PDZD2: variants seen among roughly 807,000 people sequenced by gnomAD.
The protein encoded by PDZD2 is PDZ domain-containing protein 2.
In PDZD2, 90 loss-of-function variants were observed where a neutral mutation model predicts 220.7. The ratio of observed to expected loss-of-function variants is 0.41; its 90% CI spans 0.34 to 0.49. The LOEUF (loss-of-function observed/expected upper bound fraction) is 0.49, where lower values mean the gene tolerates loss of function less well. Ranked by LOEUF, PDZD2 falls within the 20% of genes least tolerant of loss-of-function variation. The pLI is 0.28. For synonymous variants in PDZD2, 1,375 were observed against 1,450.5 expected (o/e 0.95, Z 1.18); for missense variants, 3,174 against 3,608.5 (o/e 0.88, Z 3.08).
intron 6 of PDZD2, among the ~76,000 whole-genome samples, chr5:32,035,927 TTTG>T (rs1755503481): frequency 1.3e-5 from 2 of 152,018 alleles, no homozygotes; most frequent in African/African-American, 4.8e-5. Flanking sequence ...ATCATCAACC[TTTG>T]TTTTGTTTTG....
In PDZD2 at chr5:32,087,372, A is replaced by G. The variant is rs1742579643; in HGVS notation, c.3924A>G (p.Ala1308=). ...APPDYSKTRS[A]SETSTPHNTR... is the part of the protein sequence containing the mutation. The stretch of plus-strand genomic sequence containing the variant: ...CTGACTACAGCAAGACTCGATCAGC[A>G]TCGGAAACCAGCACACCCCACAATA... The change falls in exon 20 of 25, where the codon GCA becomes GCG. Residue 1308 remains alanine (A), a synonymous_variant. Coordinates refer to ENST00000438447, the MANE Select transcript of PDZD2 (RefSeq NM_178140.4). The surrounding 1 kb of genome is among the most constrained non-coding windows in gnomAD (Gnocchi z 4.0). 6.2e-7 allele frequency: 1 copy of G among 1,614,062 alleles called. No individual in the cohort carries two copies. Among genetic ancestry groups the G allele is most frequent in the Non-Finnish European group, 8.5e-7 (1 of 1,179,926 alleles).
chr5:31,920,684 TATA>T (rs2150379130), intron 2 of PDZD2, among the ~76,000 whole-genome samples: 1 of 152,242 alleles, frequency 6.6e-6, no homozygotes, highest in South Asian at 2.1e-4. Context: ...TGGTGGTGTG[TATA>T]ATGACACACC....
chr5:31,983,278 A>G lies in PDZD2; in HGVS notation c.600A>G (p.Thr200=). 1 of 1,614,186 alleles carries G rather than the reference A, an allele frequency of 6.2e-7. No homozygotes were observed. Among genetic ancestry groups the G allele is most frequent in the Non-Finnish European group, 8.5e-7 (1 of 1,180,036 alleles). ...GCAACAGCTCTGAACCAGGAGAAAC[A>G]CCTACCTTGGAGCTGGGTGACCGAA... is the stretch of plus-strand genomic sequence containing the variant. ...NSSNSSEPGE[T]PTLELGDRTA... The change falls in exon 3 of 25, where the codon ACA becomes ACG. Residue 200 remains threonine, a synonymous_variant. Transcript: ENST00000438447.
chr5:32,098,483 G>C lies in PDZD2; in HGVS notation c.8067G>C (p.Lys2689Asn). The stretch of plus-strand genomic sequence containing the variant: ...GCTTAGCCCACGGGAATGTCCTGAA[G>C]GTTCTGCACCAGGCACAGCTGCACA... Reference protein sequence around the residue: ...LAGLAHGNVLKVLHQAQLHKD... With the variant: ...LAGLAHGNVLNVLHQAQLHKD... Residue 2689 changes from lysine to asparagine, a missense_variant, in exon 23 of 25, where the codon AAG (lysine) becomes AAC (asparagine). Physicochemically the swap from Lys to Asn is moderately conservative, Grantham distance 94. Transcript: ENST00000438447. This position sits in a 1 kb window ranked among gnomAD's most constrained non-coding sequence, Gnocchi z 4.1. 1 of 1,614,196 alleles carries C rather than the reference G, an allele frequency of 6.2e-7. No individual in the cohort carries two copies. The highest frequency in any genetic ancestry group is 8.5e-7 in the Non-Finnish European group (1 of 1,180,040).
At chr5:32,110,928 C>CTTGA (rs1196065966) in exon 25 of PDZD2, 2 of 151,810 alleles carry the variant, frequency 1.3e-5, no homozygotes, top group Non-Finnish European at 2.9e-5. Context: ...CTGCTTACTA[C>CTTGA]TTGATTTTTT....
chr5:31,697,752 C>T (rs1747433463), intron 1 of PDZD2, among the ~76,000 whole-genome samples: 1 of 152,126 alleles, frequency 6.6e-6, no homozygotes, highest in Non-Finnish European at 1.5e-5. Context: ...GATTACTGTG[C>T]TCAGTAATAC....
chr5:31,869,304 C>G (rs1738525547), intron 2 of PDZD2, among the ~76,000 whole-genome samples: 2 of 152,200 alleles, frequency 1.3e-5, no homozygotes, highest in South Asian at 4.1e-4. Flanking sequence ...TGGGCTTCCT[C>G]TTCTTCCTGA....
chr5:31,890,699 T>C (rs1018851717), intron 2 of PDZD2, among the ~76,000 whole-genome samples: 7 of 152,248 alleles, frequency 4.6e-5, no homozygotes, highest in East Asian at 1.9e-4. Flanking sequence ...TCCTTTTAAA[T>C]CAAACAGGCT....
intron 2 of PDZD2, among the ~76,000 whole-genome samples, chr5:31,834,298 G>A (rs1756810972): frequency 6.6e-6 from 1 of 152,154 alleles, no homozygotes; most frequent in South Asian, 2.1e-4. Context: ...TTGAAGATAT[G>A]GAACAGGATA....
rs779037180 is a variant in PDZD2 at position 32,090,164 on chromosome 5, C to A, written c.6716C>A (p.Pro2239His). 4 of 1,614,086 alleles carry A rather than the reference C, an allele frequency of 2.5e-6. No individual in the cohort carries two copies. The East Asian group carries it at 6.7e-5, about 27-fold the overall frequency. ...AGCCATTTTGGACGGGAGGGTCACCCCCCACACAGCCTGGGTCGCTCTCGG... is the reference window on the plus strand; with the variant it reads ...AGCCATTTTGGACGGGAGGGTCACCACCCACACAGCCTGGGTCGCTCTCGG... The part of the protein sequence containing the change: ...FSSHFGREGH[P>H]PHSLGRSRDS... The change falls in exon 20 of 25, where the codon CCC becomes CAC. Residue 2239 changes from proline (P) to histidine (H), a missense_variant. By Grantham distance (77) the Pro-to-His change is moderately conservative. This residue lies in a region of PDZD2 where 631 missense variants were observed against 789.9 expected (regional missense o/e 0.80). Coordinates refer to ENST00000438447, the MANE Select transcript of PDZD2 (RefSeq NM_178140.4). The surrounding 1 kb of genome is among the most constrained non-coding windows in gnomAD (Gnocchi z 4.3).
chr5:31,936,002 C>A, intron 2 of PDZD2: 1 of 673,448 alleles, frequency 1.5e-6, no homozygotes, highest in Non-Finnish European at 1.8e-6. Context: ...AATACACTGG[C>A]AGGGCAAGGA....
chr5:31,964,873 G>A (rs545170213), intron 2 of PDZD2, among the ~76,000 whole-genome samples: 294 of 152,144 alleles, frequency 1.9e-3, no homozygotes, highest in Middle Eastern at 6.8e-3. Flanking sequence ...CCGCCACCAC[G>A]CCCGGCTAAT....
chr5:32,037,719 T>C (rs1325757249), intron 7 of PDZD2, among the ~76,000 whole-genome samples: 4 of 152,182 alleles, frequency 2.6e-5, no homozygotes, highest in African/African-American at 9.7e-5. Flanking sequence ...TTGGAGCAAA[T>C]AGACTCTATC....
chr5:31,699,758 T>G (rs1230143040), intron 1 of PDZD2, among the ~76,000 whole-genome samples: 1 of 150,546 alleles, frequency 6.6e-6, no homozygotes, highest in Non-Finnish European at 1.5e-5. Context: ...CATACTACCA[T>G]GCCTGGCTGT....
Position 32,090,156 on chromosome 5 carries a change from G to A in PDZD2, c.6708G>A (p.Glu2236=), listed in dbSNP as rs754301908. 5.6e-6 allele frequency: 9 copies of A among 1,613,930 alleles called. No homozygotes were observed. Among genetic ancestry groups the A allele is most frequent in the East Asian group, 2.2e-5 (1 of 44,876 alleles). Reference sequence around the variant, plus strand: ...AGTTCTCAAGCCATTTTGGACGGGAGGGTCACCCCCCACACAGCCTGGGTC... The same window carrying A: ...AGTTCTCAAGCCATTTTGGACGGGAAGGTCACCCCCCACACAGCCTGGGTC... The part of the protein sequence containing the change: ...PAQFSSHFGR[E]GHPPHSLGRS... Residue 2236 remains glutamate (E), a synonymous_variant, in exon 20 of 25, where the codon GAG becomes GAA. Transcript: ENST00000438447. This position sits in a 1 kb window ranked among gnomAD's most constrained non-coding sequence, Gnocchi z 4.3.
Position 31,927,848 on chromosome 5 carries a change from G to A in PDZD2, c.477-55307G>A, listed in dbSNP as rs1744932388. Among the ~76,000 whole-genome samples, 4 of 152,166 alleles carry A rather than the reference G, an allele frequency of 2.6e-5. 1 individual carries two copies. The South Asian group carries it at 8.3e-4, about 32-fold the overall frequency. ...TGACCCATGGGCCTAAGAGATGTGT[G>A]TCCTTGTCTAGGACCCAAGTCACTG... On this transcript the variant is annotated intron_variant, in intron 2 of 24. Transcript: ENST00000438447.
intron 1 of PDZD2, among the ~76,000 whole-genome samples, chr5:31,676,404 G>A (rs16901420): frequency 0.041 from 6,215 of 152,160 alleles, 165 homozygotes; most frequent in East Asian, 0.07. Context: ...ACAAGTGGAC[G>A]AGAGGGACTG....
intron 1 of PDZD2, among the ~76,000 whole-genome samples, chr5:31,777,601 G>A (rs1752772388): frequency 6.6e-6 from 1 of 152,154 alleles, no homozygotes; most frequent in African/African-American, 2.4e-5. Context: ...TGGGGACTTG[G>A]AGAACTTTTA....
At chr5:32,105,286 G>C (rs1039337125) in intron 24 of PDZD2, among the ~76,000 whole-genome samples, 2 of 152,290 alleles carry the variant, frequency 1.3e-5, no homozygotes, top group South Asian at 4.1e-4. Context: ...AACACAGGAA[G>C]ATGCTCAAAC....
Sources: allele counts gnomAD v4.1 joint callset (sites outside exome capture counted in the v4.1 genomes callset), GRCh38; gene constraint gnomAD v4.1.1; regional missense constraint gnomAD v4.1.1; non-coding constraint Gnocchi (gnomAD v3.1); transcripts MANE v1.5; gene names NCBI Gene and HGNC (gene_info 2026-07-23, HGNC 2026-07-21).